Variants in MCPH1 observed in about 807,000 individuals in gnomAD.
MCPH1 encodes microcephalin.
Under a neutral mutation model 84.5 loss-of-function variants are expected in MCPH1, and 104 were observed. The ratio of observed to expected loss-of-function variants is 1.23; its 90% CI spans 1.05 to 1.45. The LOEUF is 1.45. Among genes scored for constraint, MCPH1 ranks in the 40% most tolerant of loss-of-function variants. The pLI is 0.00. For synonymous variants in MCPH1, 514 were observed against 366.8 expected, an observed-to-expected ratio of 1.40 and a Z score of -4.58; for missense variants, 1,498 against 1,005.7, an observed-to-expected ratio of 1.49 and a Z score of -6.62.
chr8:6,467,669 C>T (rs1311878682), intron 9 of MCPH1, among the ~76,000 whole-genome samples: 1 of 152,152 alleles, frequency 6.6e-6, no homozygotes, highest in Non-Finnish European at 1.5e-5. Context: ...GATCATAGCT[C>T]ACTGCAGCCT....
In MCPH1 at chr8:6,499,850, A is replaced by G. The variant is rs928304977; in HGVS notation, c.2137-2A>G. The G allele has an allele frequency of 1.2e-6, 2 of 1,612,626 alleles. No individual in the cohort carries two copies. The highest frequency in any genetic ancestry group is 1.7e-6 in the Non-Finnish European group (2 of 1,179,696). ...TAAATCTGCTTGTTGTGTCACTTGC[A>G]GGTGCTATGGTCTTTAGAATTGGGT... On this transcript the variant is annotated splice_acceptor_variant, in intron 11 of 13. Transcript: ENST00000344683. LOFTEE classifies it high-confidence loss of function.
At chr8:6,488,054 G>T (rs1351952284) in intron 11 of MCPH1, among the ~76,000 whole-genome samples, 2 of 152,194 alleles carry the variant, frequency 1.3e-5, no homozygotes, top group Non-Finnish European at 2.9e-5. Flanking sequence ...TTCTGGTTTT[G>T]CCCAGACATA....
intron 12 of MCPH1, among the ~76,000 whole-genome samples, chr8:6,600,272 C>A (rs1315212647): frequency 3.3e-5 from 5 of 152,218 alleles, no homozygotes; most frequent in African/African-American, 1.2e-4. Flanking sequence ...AGTCAGGGAC[C>A]CCCAGGGGAG....
intron 12 of MCPH1, among the ~76,000 whole-genome samples, chr8:6,509,345 T>C (rs1252869915): frequency 6.6e-6 from 1 of 152,212 alleles, no homozygotes; most frequent in Non-Finnish European, 1.5e-5. Flanking sequence ...TTCCTGCTGC[T>C]TTCAGATAAA....
intron 12 of MCPH1, among the ~76,000 whole-genome samples, chr8:6,551,004 T>C (rs572727776): frequency 4.6e-5 from 7 of 152,318 alleles, no homozygotes; most frequent in African/African-American, 1.4e-4. Context: ...AAGAACCCTG[T>C]AGACTTTTGA....
intron 12 of MCPH1, chr8:6,563,087 A>C: frequency 1.2e-6 from 1 of 809,394 alleles, no homozygotes; most frequent in Non-Finnish European, 1.9e-6. Context: ...TTCCAGTAGC[A>C]AACCTGGTTT....
intron 12 of MCPH1, among the ~76,000 whole-genome samples, chr8:6,520,610 G>C (rs540372127): frequency 2.0e-5 from 3 of 152,198 alleles, no homozygotes; most frequent in East Asian, 1.9e-4. Context: ...TGGCCACGCT[G>C]GTCTCCAACT....
chr8:6,473,938 C>A, intron 9 of MCPH1: 1 of 1,446,950 alleles, frequency 6.9e-7, no homozygotes, highest in Non-Finnish European at 9.5e-7. Flanking sequence ...GCAGCCGATG[C>A]ACAACTTCTT....
chr8:6,407,062 A>T (rs573721476), intron 1 of MCPH1: 4 of 291,908 alleles, frequency 1.4e-5, no homozygotes, highest in Non-Finnish European at 2.6e-5. Flanking sequence ...CTGTCCCCCA[A>T]ATCCCGCCTT....
rs891865529 is a variant in MCPH1, at chr8:6,436,158, T to C, written c.432T>C (p.Asn144=). ...MAKELQRQKT[N]LDDDVPILLF... ...AAGAGCTACAAAGGCAAAAAACAAA[T>C]CTAGGTAAGCTAAGAAATATAATAC... Residue 144 remains asparagine (N), a synonymous_variant, in exon 5 of 14, where the codon AAT becomes AAC. Coordinates refer to ENST00000344683, the MANE Select transcript of MCPH1 (RefSeq NM_024596.5). 6.8e-6 allele frequency: 11 copies of C among 1,612,982 alleles called. No homozygotes were observed. The highest frequency in any genetic ancestry group is 4.5e-5 in the East Asian group (2 of 44,824).
chr8:6,599,547 G>C (rs1286476049), intron 12 of MCPH1, among the ~76,000 whole-genome samples: 2 of 152,216 alleles, frequency 1.3e-5, no homozygotes. Context: ...TAGGAACAGG[G>C]CTTGATGTAA....
chr8:6,443,923 T>C (rs1803877321), intron 7 of MCPH1, among the ~76,000 whole-genome samples: 1 of 152,210 alleles, frequency 6.6e-6, no homozygotes, highest in Admixed American at 6.5e-5. Flanking sequence ...GGCTCACTTT[T>C]GAATATCAGT....
chr8:6,537,245 G>C (rs1053907072), intron 12 of MCPH1, among the ~76,000 whole-genome samples: 8 of 152,054 alleles, frequency 5.3e-5, no homozygotes, highest in African/African-American at 1.9e-4. Flanking sequence ...GTGATCTGTA[G>C]GCACACGTGT....
chr8:6,489,842 G>GA (rs897024630), intron 11 of MCPH1, among the ~76,000 whole-genome samples: 66 of 152,058 alleles, frequency 4.3e-4, no homozygotes, highest in Non-Finnish European at 2.9e-5. Flanking sequence ...AGTTATCAGG[G>GA]AAAAAAAATT....
chr8:6,630,848 C>G (rs1045275539), intron 13 of MCPH1, among the ~76,000 whole-genome samples: 1 of 145,022 alleles, frequency 6.9e-6, no homozygotes, highest in Admixed American at 6.8e-5. Context: ...TAAAAAGTAA[C>G]AATTTGAAAA....
chr8:6,551,153 T>A (rs1296939259), intron 12 of MCPH1, among the ~76,000 whole-genome samples: 1 of 152,170 alleles, frequency 6.6e-6, no homozygotes, highest in Non-Finnish European at 1.5e-5. Context: ...GATGCTGACT[T>A]AGGATTTTAA....
intron 13 of MCPH1, among the ~76,000 whole-genome samples, chr8:6,640,866 T>G (rs1797895892): frequency 6.6e-6 from 1 of 152,226 alleles, no homozygotes; most frequent in Admixed American, 6.5e-5. Flanking sequence ...GGGGACCATG[T>G]TGTTTTTAAT....
chr8:6,575,111 A>G (rs549061155), intron 12 of MCPH1, among the ~76,000 whole-genome samples: 4 of 152,284 alleles, frequency 2.6e-5, no homozygotes, highest in East Asian at 3.9e-4. Flanking sequence ...TAAATTGGCT[A>G]TGAGACTTCC....
At chr8:6,478,072 C>G (rs1038720541) in intron 10 of MCPH1, among the ~76,000 whole-genome samples, 2 of 152,190 alleles carry the variant, frequency 1.3e-5, no homozygotes, top group Admixed American at 6.5e-5. Context: ...AAACATTTAA[C>G]ACAACAAAGA....
Sources: allele counts gnomAD v4.1 joint callset (sites outside exome capture counted in the v4.1 genomes callset), GRCh38; gene constraint gnomAD v4.1.1; transcripts MANE v1.5; gene names NCBI Gene and HGNC (gene_info 2026-07-23, HGNC 2026-07-21).